VAV3: variants seen among roughly 807,000 people sequenced by gnomAD.
The protein encoded by VAV3 is guanine nucleotide exchange factor VAV3.
In VAV3, 94 loss-of-function variants were observed where a neutral mutation model predicts 131.2. The ratio of observed to expected loss-of-function variants is 0.72; its 90% CI spans 0.61 to 0.85. The LOEUF (loss-of-function observed/expected upper bound fraction) is 0.85, where lower values mean the gene tolerates loss of function less well. VAV3 is among the 40% of genes least tolerant of loss of function. The pLI, the probability that VAV3 is intolerant of heterozygous loss-of-function variation, is 0.00. For synonymous variants in VAV3, 349 were observed against 342.0 expected, an observed-to-expected ratio of 1.02 and a Z score of -0.22; for missense variants, 939 against 1,002.7, an observed-to-expected ratio of 0.94 and a Z score of 0.86.
At chr1:107,602,235 T>G (rs1198255304) in intron 24 of VAV3, among the ~76,000 whole-genome samples, 162 bp downstream of exon 24, 2 of 152,146 alleles carry the variant, frequency 1.3e-5, no homozygotes, top group Non-Finnish European at 2.9e-5. Context: ...CTTAGAGATT[T>G]ATAAATTAGA....
chr1:107,813,967 A>AGTGT (rs58318688), intron 2 of VAV3, among the ~76,000 whole-genome samples: 9,677 of 135,716 alleles, frequency 0.071, 371 homozygotes, highest in Admixed American at 0.085. Flanking sequence ...ATAGTACTCC[A>AGTGT]GTGTGTGTGT....
chr1:107,753,527 C>CATATATATATATATATATACAT (rs752202122), intron 12 of VAV3, among the ~76,000 whole-genome samples: 10 of 94,754 alleles, frequency 1.1e-4, no homozygotes, highest in African/African-American at 3.2e-4. Flanking sequence ...TATATATATA[C>CATATATATATATATATATACAT]GTATATATAT....
intron 19 of VAV3, among the ~76,000 whole-genome samples, chr1:107,672,470 G>A (rs1657888604): frequency 1.3e-5 from 2 of 151,826 alleles, no homozygotes; most frequent in African/African-American, 4.8e-5. Context: ...AAAATTATAA[G>A]TAGGTGTTTA....
intron 1 of VAV3, among the ~76,000 whole-genome samples, chr1:107,934,619 C>T (rs1466302779): frequency 6.6e-6 from 1 of 152,182 alleles, no homozygotes; most frequent in African/African-American, 2.4e-5. Context: ...TTCTAACAAA[C>T]ACAGGTAGCT....
chr1:107,611,597 A>C lies in VAV3; in HGVS notation c.1981-1632T>G, dbSNP rs1004085365. ...TAAACCAAGCTTTCCATAGAGAACCAAAAAAAAAAAACAAACAAACAAACA... is the reference window on the plus strand; with the variant it reads ...TAAACCAAGCTTTCCATAGAGAACCCAAAAAAAAAAACAAACAAACAAACA... On this transcript the variant is annotated intron_variant, in intron 21 of 26. Transcript: ENST00000370056. 1.6e-4 allele frequency among the ~76,000 whole-genome samples: 4 copies of C among 25,466 alleles called. No individual in the cohort carries two copies. In the South Asian group the frequency reaches 5.5e-3, roughly 35 times the overall value. 16.7% of individuals were successfully genotyped at this position (25,466 alleles called of 152,430 possible).
intron 15 of VAV3, among the ~76,000 whole-genome samples, chr1:107,712,348 T>A (rs1660837877): frequency 6.6e-6 from 1 of 152,202 alleles, no homozygotes; most frequent in Non-Finnish European, 1.5e-5. Flanking sequence ...ATTTTTTGTG[T>A]GTGATTTTTT....
At chr1:107,861,321 C>T (rs1476959399) in intron 2 of VAV3, among the ~76,000 whole-genome samples, 1 of 151,572 alleles carries the variant, frequency 6.6e-6, no homozygotes, top group African/African-American at 2.4e-5. Flanking sequence ...ATATCATCTC[C>T]CTTTCATCAT....
At chr1:107,956,365 C>A (rs1674813784) in intron 1 of VAV3, among the ~76,000 whole-genome samples, 1 of 152,040 alleles carries the variant, frequency 6.6e-6, no homozygotes, top group African/African-American at 2.4e-5. Context: ...TCCTCAGGAC[C>A]CCTTTCCACT....
At chr1:107,839,057 C>A (rs1668587026) in intron 2 of VAV3, among the ~76,000 whole-genome samples, 1 of 152,086 alleles carries the variant, frequency 6.6e-6, no homozygotes, top group Non-Finnish European at 1.5e-5. Context: ...ACACAATATA[C>A]CTCTGTAACA....
At chr1:107,582,051 A>T (rs1369729542) in intron 25 of VAV3, among the ~76,000 whole-genome samples, 1 of 152,212 alleles carries the variant, frequency 6.6e-6, no homozygotes, top group African/African-American at 2.4e-5. Context: ...GTTGTTAGTA[A>T]GAATATGAGA....
rs1283524132 is a variant in VAV3 at position 107,636,871 on chromosome 1, A to AGTT, written c.1914+5747_1914+5748insAAC. On this transcript the variant is annotated intron_variant, in intron 20 of 26. Transcript: ENST00000370056. ...TAGAAAGAAATTTGCAGTACTAACT[A>AGTT]ACTATACTAGCAAAAGAAAGGAAAG... is the stretch of plus-strand genomic sequence containing the variant. Among the ~76,000 whole-genome samples, 4 of 152,204 alleles carry AGTT rather than the reference A, an allele frequency of 2.6e-5. No homozygotes were observed. In the East Asian group the frequency reaches 7.7e-4, roughly 29 times the overall value.
chr1:107,671,855 G>C (rs1657822655), intron 19 of VAV3, among the ~76,000 whole-genome samples: 1 of 152,136 alleles, frequency 6.6e-6, no homozygotes. Context: ...TATATATACA[G>C]AACATGTATT....
At chr1:107,836,630 A>G (rs1004596516) in intron 2 of VAV3, among the ~76,000 whole-genome samples, 13 of 152,130 alleles carry the variant, frequency 8.5e-5, no homozygotes, top group Admixed American at 8.5e-4. Context: ...AACAAAAACA[A>G]AAGTTGGTTC....
At chr1:107,685,493 T>C (rs954201022) in intron 18 of VAV3, among the ~76,000 whole-genome samples, 11 of 152,174 alleles carry the variant, frequency 7.2e-5, no homozygotes, top group African/African-American at 2.4e-4. Context: ...CACAAAGTAA[T>C]TCTTCTACTC....
At chr1:107,661,115 T>C (rs1656979466) in intron 19 of VAV3, among the ~76,000 whole-genome samples, 1 of 152,212 alleles carries the variant, frequency 6.6e-6, no homozygotes, top group Non-Finnish European at 1.5e-5. Context: ...TGAGAACTTT[T>C]TTCCTTATAT....
At position 107,617,706 on chromosome 1, in the gene VAV3, T is replaced by C. The variant is rs1307866779; in HGVS notation, c.1915-74A>G. The C allele has an allele frequency of 5.4e-6, 7 of 1,300,378 alleles. No homozygotes were observed. The South Asian group carries it at 6.3e-5, about 12-fold the overall frequency. 80.6% of individuals were successfully genotyped at this position (1,300,378 alleles called of 1,614,324 possible). A position where few individuals can be genotyped will look rare whatever the true frequency, so the allele number is the denominator to read the frequency against. On this transcript the variant is annotated intron_variant, in intron 20 of 26. Transcript: ENST00000370056. The stretch of plus-strand genomic sequence containing the variant: ...TGATAACCCCATGATGCCCCATACA[T>C]AGCACTGTTACTTAGGATCCTTAGA...
intron 2 of VAV3, among the ~76,000 whole-genome samples, chr1:107,805,999 T>C (rs12124507): frequency 0.78 from 118,176 of 151,950 alleles, 46,160 homozygotes; most frequent in Non-Finnish European, 0.81. Flanking sequence ...AGGATATCTG[T>C]GGAATGTACC....
intron 2 of VAV3, among the ~76,000 whole-genome samples, chr1:107,858,395 A>C (rs571510769): frequency 6.6e-6 from 1 of 152,342 alleles, no homozygotes; most frequent in South Asian, 2.1e-4. Context: ...AAATCTAAGA[A>C]AAATTTAAGT....
intron 2 of VAV3, among the ~76,000 whole-genome samples, chr1:107,840,661 AAAGTT>A (rs943536344): frequency 1.3e-5 from 2 of 152,214 alleles, no homozygotes; most frequent in Admixed American, 6.5e-5. Flanking sequence ...GGAAGCAACA[AAAGTT>A]AAGTCAGGGG....
Sources: allele counts gnomAD v4.1 joint callset (sites outside exome capture counted in the v4.1 genomes callset), GRCh38; gene constraint gnomAD v4.1.1; transcripts MANE v1.5; gene names NCBI Gene and HGNC (gene_info 2026-07-23, HGNC 2026-07-21).